Variants in TDRD15 observed in about 807,000 individuals in gnomAD.
TDRD15 encodes tudor domain-containing protein 15.
For synonymous variants in TDRD15, 503 were observed against 314.5 expected (o/e 1.60, Z -6.34); for missense variants, 1,416 against 904.7 (o/e 1.57, Z -7.25).
At position 21,139,920 on chromosome 2, in the gene TDRD15, C is replaced by T; in HGVS notation, c.2453C>T (p.Ala818Val). The stretch of plus-strand genomic sequence containing the variant: ...AAGTATTCTGGGAAGTGGTGTAGAG[C>T]TGCTGTTTTGACTCAAGTATCAAAA... Reference protein sequence around the residue: ...VAKYSGKWCRAAVLTQVSKEV... With the variant: ...VAKYSGKWCRVAVLTQVSKEV... Residue 818 changes from alanine (A) to valine (V), a missense_variant, in exon 4 of 4, where the codon GCT becomes GTT. Ala to Val is a moderately conservative substitution (Grantham distance 64). Transcript: ENST00000405799. 1.4e-6 allele frequency: 1 copy of T among 716,028 alleles called. No individual in the cohort carries two copies. Among genetic ancestry groups the T allele is most frequent in the Non-Finnish European group, 2.6e-6 (1 of 384,078 alleles). 44.4% of individuals were successfully genotyped at this position (716,028 alleles called of 1,614,324 possible). A position where few individuals can be genotyped will look rare whatever the true frequency, so the allele number is the denominator to read the frequency against.
chr2:21,141,512 G>A lies in TDRD15; in HGVS notation c.4045G>A (p.Val1349Ile). The A allele has an allele frequency of 1.4e-6, 1 of 715,214 alleles. No homozygotes were observed. The highest frequency in any genetic ancestry group is 2.6e-6 in the Non-Finnish European group (1 of 383,688). 44.3% of individuals were successfully genotyped at this position (715,214 alleles called of 1,614,324 possible). A position where few individuals can be genotyped will look rare whatever the true frequency, so the allele number is the denominator to read the frequency against. The change falls in exon 4 of 4, where the codon GTA becomes ATA. Residue 1349 changes from valine to isoleucine, a missense_variant. Transcript: ENST00000405799. ...KSVKPLVGDLVVAEYSGDNAI... is the reference protein window; with the variant it reads ...KSVKPLVGDLIVAEYSGDNAI... ...AGTTAAACCTCTAGTGGGAGATCTT[G>A]TAGTTGCAGAATATTCTGGTGACAA...
chr2:21,146,339 C>G (rs1035199636), downstream of TDRD15, among the ~76,000 whole-genome samples: 2 of 151,950 alleles, frequency 1.3e-5, no homozygotes, highest in African/African-American at 2.4e-5. Context: ...CAGAAGTTGC[C>G]ACCCTTTACA....
At position 21,140,265 on chromosome 2, in the gene TDRD15, G is replaced by A. The variant is rs775868060; in HGVS notation, c.2798G>A (p.Arg933His). The change falls in exon 4 of 4, where the codon CGT (arginine) becomes CAT (histidine). Residue 933 changes from arginine (R) to histidine (H), a missense_variant. Transcript: ENST00000405799. The part of the protein sequence containing the change: ...FTSAKEFLMN[R>H]GSAQYITLSE... Reference sequence around the variant, plus strand: ...AGTGCAAAAGAATTTCTTATGAATCGTGGCTCTGCTCAGTATATCACATTA... The same window carrying A: ...AGTGCAAAAGAATTTCTTATGAATCATGGCTCTGCTCAGTATATCACATTA... 4.5e-5 allele frequency: 32 copies of A among 715,170 alleles called. No homozygotes were observed. The highest frequency in any genetic ancestry group is 3.7e-4 in the African/African-American group (21 of 57,090). The allele number at this position is 715,170 out of a possible 1,614,324, so 44.3% of individuals were successfully genotyped here.
At position 21,134,577 on chromosome 2, in the gene TDRD15, T is replaced by G. The variant is rs142642345; in HGVS notation, c.-89-185T>G. 3.9e-3 allele frequency among the ~76,000 whole-genome samples: 588 copies of G among 152,140 alleles called. 1 individual carries two copies. Among genetic ancestry groups the G allele is most frequent in the African/African-American group, 0.013 (559 of 41,550 alleles). ...ATCGGCTTGTTTTTAATAGAATAAC[T>G]TTATTAGTCTCATTTACTGACTTCA... On this transcript the variant is annotated intron_variant, in intron 2 of 3. Coordinates refer to ENST00000405799, the MANE Select transcript of TDRD15 (RefSeq NM_001306137.2).
chr2:21,142,077 C>A lies in TDRD15; in HGVS notation c.4610C>A (p.Ser1537Ter). 1 of 693,992 alleles carries A rather than the reference C, an allele frequency of 1.4e-6. No individual in the cohort carries two copies. Among genetic ancestry groups the A allele is most frequent in the South Asian group, 1.6e-5 (1 of 61,644 alleles). 43.0% of individuals were successfully genotyped at this position (693,992 alleles called of 1,614,324 possible). ...GAAAAAGCTGAAATGCTTAATGTTT[C>A]AAAAAGTGGAAGATTTTATGTGAAG... ...QLEKAEMLNV[S>*]KSGRFYVKLS... is the part of the protein sequence containing the mutation. The change falls in exon 4 of 4, where the codon TCA (serine) becomes TAA (stop). Residue 1537 changes from serine to a stop codon, truncating the protein, a stop_gained. Transcript: ENST00000405799. LOFTEE classifies it low-confidence loss of function (END_TRUNC).
At chr2:21,127,547 G>A in intron 1 of TDRD15, 54 bp from the exon 2 acceptor site, 1 of 151,922 alleles carries the variant, frequency 6.6e-6, no homozygotes, top group East Asian at 1.9e-4. Context: ...ATCATTTGTC[G>A]AATTGCTGGC....
rs1356825273 is a variant in TDRD15, at chr2:21,139,185, C to G, written c.1718C>G (p.Ser573Cys). 2.8e-6 allele frequency: 2 copies of G among 714,364 alleles called. No homozygotes were observed. The highest frequency in any genetic ancestry group is 3.5e-5 in the African/African-American group (2 of 57,034). 44.3% of individuals were successfully genotyped at this position (714,364 alleles called of 1,614,324 possible). Residue 573 changes from serine (S) to cysteine (C), a missense_variant, in exon 4 of 4, where the codon TCC becomes TGC. Physicochemically the swap from Ser to Cys is moderately radical, Grantham distance 112 (BLOSUM62 -1). Coordinates refer to ENST00000405799, the MANE Select transcript of TDRD15 (RefSeq NM_001306137.2). The part of the protein sequence containing the change: ...VYFLDYGNTD[S>C]IPFFDVKILL... ...TTTTTGGATTATGGTAATACTGATT[C>G]CATACCATTTTTTGATGTAAAAATT...
In TDRD15 at chr2:21,139,550, G is replaced by A. The variant is rs568565338; in HGVS notation, c.2083G>A (p.Val695Ile). The A allele has an allele frequency of 2.4e-5, 17 of 705,830 alleles. No homozygotes were observed. The highest frequency in any genetic ancestry group is 3.9e-5 in the Non-Finnish European group (15 of 381,712). 43.7% of individuals were successfully genotyped at this position (705,830 alleles called of 1,614,324 possible). The change falls in exon 4 of 4, where the codon GTC becomes ATC. Residue 695 changes from valine to isoleucine, a missense_variant. Transcript: ENST00000405799. ...ESKNKVNIKKVISALLEGPKS... is the reference protein window; with the variant it reads ...ESKNKVNIKKIISALLEGPKS... ...TAAAAACAAAGTTAATATTAAAAAA[G>A]TCATATCTGCCCTTCTTGAAGGACC...
Position 21,140,491 on chromosome 2 carries a change from A to C in TDRD15, c.3024A>C (p.Pro1008=). 1.4e-6 allele frequency: 1 copy of C among 695,664 alleles called. No individual in the cohort carries two copies. The highest frequency in any genetic ancestry group is 2.6e-6 in the Non-Finnish European group (1 of 378,084). 43.1% of individuals were successfully genotyped at this position (695,664 alleles called of 1,614,324 possible). ...AGAGTGTTAACCTCCAAAATTTTCC[A>C]AAATATGATTCTAATAAAATGAGAG... The part of the protein sequence containing the change: ...ITESVNLQNF[P]KYDSNKMRVC... Residue 1008 remains proline, a synonymous_variant, in exon 4 of 4, where the codon CCA becomes CCC. Transcript: ENST00000405799.
chr2:21,134,542 T>A (rs1665773580), intron 2 of TDRD15, among the ~76,000 whole-genome samples: 1 of 152,012 alleles, frequency 6.6e-6, no homozygotes, highest in Non-Finnish European at 1.5e-5. Flanking sequence ...AATTATATGA[T>A]AAGGCTGCTA....
At chr2:21,145,604 A>G (rs896623090), downstream of TDRD15, among the ~76,000 whole-genome samples, 2 of 152,060 alleles carry the variant, frequency 1.3e-5, no homozygotes, top group African/African-American at 4.8e-5. Context: ...TATGTAAGGA[A>G]AAAAATCAAG....
downstream of TDRD15, among the ~76,000 whole-genome samples, chr2:21,146,344 T>A (rs1302193548): frequency 6.6e-6 from 1 of 152,070 alleles, no homozygotes; most frequent in Admixed American, 6.6e-5. Flanking sequence ...GTTGCCACCC[T>A]TTACATTTAG....
chr2:21,139,303 A>G lies in TDRD15; in HGVS notation c.1836A>G (p.Ala612=), dbSNP rs199813541. ...FPVEDLWTKA[A]IDYFKKLVLN... ...TTGAAGATTTATGGACTAAGGCTGC[A>G]ATTGATTATTTTAAAAAATTAGTTT... Residue 612 remains alanine (A), a synonymous_variant, in exon 4 of 4, where the codon GCA becomes GCG. Coordinates refer to ENST00000405799, the MANE Select transcript of TDRD15 (RefSeq NM_001306137.2). The G allele has an allele frequency of 1.6e-4, 110 of 709,610 alleles. No individual in the cohort carries two copies. Among genetic ancestry groups the G allele is most frequent in the Non-Finnish European group, 2.4e-4 (93 of 382,618 alleles). 44.0% of individuals were successfully genotyped at this position (709,610 alleles called of 1,614,324 possible).
chr2:21,143,181 T>C lies in TDRD15; in HGVS notation c.5714T>C (p.Ile1905Thr), dbSNP rs747751381. The C allele has an allele frequency of 3.4e-5, 24 of 703,834 alleles. No homozygotes were observed. Among genetic ancestry groups the C allele is most frequent in the South Asian group, 3.1e-4 (20 of 64,470 alleles). 43.6% of individuals were successfully genotyped at this position (703,834 alleles called of 1,614,324 possible). The change falls in exon 4 of 4, where the codon ATA (isoleucine) becomes ACA (threonine). Residue 1905 changes from isoleucine (I) to threonine (T), a missense_variant. Coordinates refer to ENST00000405799, the MANE Select transcript of TDRD15 (RefSeq NM_001306137.2). ...CATGAGAAAAACAATTTGGCAGATA[T>C]ATTAGTTGCATCTGGTCTCGCAACT... ...VIHEKNNLAD[I>T]LVASGLATYS...
downstream of TDRD15, among the ~76,000 whole-genome samples, chr2:21,146,358 A>G (rs1666028937): frequency 6.6e-6 from 1 of 152,052 alleles, no homozygotes; most frequent in Non-Finnish European, 1.5e-5. Context: ...CATTTAGAAA[A>G]TTGGCTTAAC....
In TDRD15 at chr2:21,138,392, A is replaced by G. The variant is rs1329023325; in HGVS notation, c.925A>G (p.Ile309Val). ...GCGAAATGGACAGTGGCATAGAGGAATTCTTCAGCAGCTCTTGCCCCCAAA... is the reference window on the plus strand; with the variant it reads ...GCGAAATGGACAGTGGCATAGAGGAGTTCTTCAGCAGCTCTTGCCCCCAAA... The part of the protein sequence containing the change: ...RRRNGQWHRG[I>V]LQQLLPPNQV... The change falls in exon 4 of 4, where the codon ATT becomes GTT. Residue 309 changes from isoleucine to valine, a missense_variant. Ile to Val is a conservative substitution (Grantham distance 29, BLOSUM62 3). Transcript: ENST00000405799. 4.2e-6 allele frequency: 3 copies of G among 716,386 alleles called. No homozygotes were observed. The Admixed American group carries it at 6.0e-5, about 14-fold the overall frequency. The allele number at this position is 716,386 out of a possible 1,614,324, so 44.4% of individuals were successfully genotyped here.
At chr2:21,129,528 C>T (rs1041334394) in intron 2 of TDRD15, among the ~76,000 whole-genome samples, 12 of 152,050 alleles carry the variant, frequency 7.9e-5, no homozygotes, top group African/African-American at 2.2e-4. Flanking sequence ...TAGTCAAATC[C>T]ATTGCCTGTT....
intron 2 of TDRD15, among the ~76,000 whole-genome samples, chr2:21,128,449 AG>A (rs1409406390): frequency 6.6e-6 from 1 of 151,748 alleles, no homozygotes; most frequent in Non-Finnish European, 1.5e-5. Flanking sequence ...CAGCCTCCCG[AG>A]TAGCTGGTAC....
chr2:21,128,289 G>GA (rs1553306946), intron 2 of TDRD15, among the ~76,000 whole-genome samples: 4 of 144,278 alleles, frequency 2.8e-5, no homozygotes, highest in Non-Finnish European at 3.1e-5. Flanking sequence ...CCATGTTATG[G>GA]TTTTTTTTTT....
Sources: allele counts gnomAD v4.1 joint callset (sites outside exome capture counted in the v4.1 genomes callset), GRCh38; gene constraint gnomAD v4.1.1; transcripts MANE v1.5; gene names NCBI Gene and HGNC (gene_info 2026-07-23, HGNC 2026-07-21).